EXOC6B: variants seen among roughly 807,000 people sequenced by gnomAD.
The protein encoded by EXOC6B is exocyst complex component 6B.
A neutral mutation model predicts 113.5 loss-of-function variants in EXOC6B; 54 were observed. The observed-to-expected ratio is 0.48, with a 90% CI of 0.38 to 0.60. EXOC6B has a LOEUF of 0.60. Among genes scored for constraint, EXOC6B ranks in the 20% least tolerant of loss-of-function variants. EXOC6B has a pLI of 0.00. For missense variants in EXOC6B, 797 were observed against 977.5 expected (o/e 0.82, Z 2.46); for synonymous variants, 357 against 339.0 (o/e 1.05, Z -0.58).
In EXOC6B at chr2:72,372,889, T is replaced by G. The variant is rs767415487; in HGVS notation, c.2122+6840A>C. Reference sequence around the variant, plus strand: ...GAAAAAGACAGTCTCTTCAATAAATTATGGTGGGAAAACTAGAAATCCATA... The same window carrying G: ...GAAAAAGACAGTCTCTTCAATAAATGATGGTGGGAAAACTAGAAATCCATA... On this transcript the variant is annotated intron_variant, in intron 19 of 21. Coordinates refer to ENST00000272427, the MANE Select transcript of EXOC6B (RefSeq NM_015189.3). Among the ~76,000 whole-genome samples the G allele has an allele frequency of 8.1e-4, 123 of 151,998 alleles. 1 individual carries two copies. In the Middle Eastern group the frequency reaches 0.014, roughly 17 times the overall value.
intron 11 of EXOC6B, among the ~76,000 whole-genome samples, chr2:72,507,901 A>G (rs1349545563): frequency 6.6e-6 from 1 of 151,398 alleles, no homozygotes; most frequent in Non-Finnish European, 1.5e-5. Flanking sequence ...TGCGAGATTT[A>G]GAGATCTGTT....
intron 11 of EXOC6B, among the ~76,000 whole-genome samples, chr2:72,512,503 TCACCAAAAATATATGCCA>T (rs1700990947): frequency 6.6e-6 from 1 of 151,948 alleles, no homozygotes; most frequent in African/African-American, 2.4e-5. Context: ...AAGTGGATTA[TCACCAAAAATATATGCCA>T]CATTAAAATA....
chr2:72,241,810 CAAAT>C (rs1278660368), intron 20 of EXOC6B, among the ~76,000 whole-genome samples: 1 of 152,128 alleles, frequency 6.6e-6, no homozygotes, highest in Non-Finnish European at 1.5e-5. Flanking sequence ...CTCAAACAAA[CAAAT>C]ATTGAGGAAA....
chr2:72,735,545 T>C (rs1397086318), intron 2 of EXOC6B, among the ~76,000 whole-genome samples: 1 of 152,226 alleles, frequency 6.6e-6, no homozygotes, highest in Non-Finnish European at 1.5e-5. Context: ...CTAGGTGCAG[T>C]GGCTCACACC....
At chr2:72,586,857 A>G (rs1705618155) in intron 6 of EXOC6B, among the ~76,000 whole-genome samples, 1 of 152,120 alleles carries the variant, frequency 6.6e-6, no homozygotes, top group South Asian at 2.1e-4. Context: ...CAAAACCACA[A>G]TGAGGTACCA....
At chr2:72,469,378 G>A (rs976859395) in intron 17 of EXOC6B, among the ~76,000 whole-genome samples, 2 of 151,834 alleles carry the variant, frequency 1.3e-5, no homozygotes, top group Non-Finnish European at 2.9e-5. Flanking sequence ...GTTTCCTACG[G>A]TGTAAGTATA....
chr2:72,559,308 T>C (rs1259942204), intron 8 of EXOC6B, 145 bp downstream of exon 8: 7 of 481,314 alleles, frequency 1.5e-5, no homozygotes, highest in Admixed American at 4.2e-5. Context: ...TTCAAAATTG[T>C]TTTTTATAAT....
chr2:72,192,216 T>C (rs1678890455), intron 20 of EXOC6B, among the ~76,000 whole-genome samples: 1 of 152,160 alleles, frequency 6.6e-6, no homozygotes, highest in African/African-American at 2.4e-5. Context: ...ATCAAATGGC[T>C]AGATTCTCAG....
At chr2:72,490,178 T>A (rs953019747) in intron 16 of EXOC6B, among the ~76,000 whole-genome samples, 1 of 152,080 alleles carries the variant, frequency 6.6e-6, no homozygotes, top group Non-Finnish European at 1.5e-5. Flanking sequence ...AATAATTAAA[T>A]CAATATGGAA....
intron 18 of EXOC6B, among the ~76,000 whole-genome samples, chr2:72,446,644 G>GC (rs998315482): frequency 1.2e-4 from 19 of 152,062 alleles, no homozygotes; most frequent in African/African-American, 3.9e-4. Context: ...GGAAGAAGGA[G>GC]CAGAGCAGAA....
At chr2:72,434,779 A>T (rs201171433) in intron 18 of EXOC6B, among the ~76,000 whole-genome samples, 1 of 151,962 alleles carries the variant, frequency 6.6e-6, no homozygotes, top group Non-Finnish European at 1.5e-5. Flanking sequence ...TATTGTGTCT[A>T]TTTGATTCTT....
chr2:72,274,042 G>A (rs1025613368), intron 20 of EXOC6B, among the ~76,000 whole-genome samples: 2 of 152,124 alleles, frequency 1.3e-5, no homozygotes, highest in Non-Finnish European at 2.9e-5. Flanking sequence ...ATGAAATGAT[G>A]AGGGAAGGCT....
At chr2:72,665,295 G>A (rs1675310596) in intron 6 of EXOC6B, among the ~76,000 whole-genome samples, 1 of 152,136 alleles carries the variant, frequency 6.6e-6, no homozygotes, top group Non-Finnish European at 1.5e-5. Flanking sequence ...TATATTCCAT[G>A]AAAAATTCCC....
intron 18 of EXOC6B, among the ~76,000 whole-genome samples, chr2:72,427,530 G>A (rs1173717283): frequency 7.2e-5 from 11 of 152,182 alleles, no homozygotes; most frequent in Non-Finnish European, 8.8e-5. Context: ...GTACATGTTC[G>A]GGAGCAGCAC....
intron 6 of EXOC6B, among the ~76,000 whole-genome samples, chr2:72,624,447 T>C (rs1034880839): frequency 1.3e-5 from 2 of 152,170 alleles, no homozygotes; most frequent in African/African-American, 2.4e-5. Context: ...AAAAATAAGA[T>C]GCTCTGATTT....
intron 8 of EXOC6B, among the ~76,000 whole-genome samples, chr2:72,533,677 A>T (rs2105763943): frequency 6.6e-6 from 1 of 152,326 alleles, no homozygotes; most frequent in East Asian, 1.9e-4. Flanking sequence ...TATAATTTTT[A>T]GTGTAGTTTT....
intron 6 of EXOC6B, among the ~76,000 whole-genome samples, chr2:72,582,150 G>C (rs1004583335): frequency 6.6e-6 from 1 of 152,126 alleles, no homozygotes; most frequent in Non-Finnish European, 1.5e-5. Context: ...TAGGGAAGGT[G>C]AAAGAGAAGG....
intron 6 of EXOC6B, among the ~76,000 whole-genome samples, chr2:72,629,307 A>G (rs942274898): frequency 6.6e-6 from 1 of 152,194 alleles, no homozygotes; most frequent in Non-Finnish European, 1.5e-5. Flanking sequence ...TTTTTGAATA[A>G]CCACATTGCA....
chr2:72,600,732 CAAAAATATAA>C (rs1208417492), intron 6 of EXOC6B, among the ~76,000 whole-genome samples: 1 of 151,942 alleles, frequency 6.6e-6, no homozygotes, highest in Non-Finnish European at 1.5e-5. Flanking sequence ...ATGTAAAACA[CAAAAATATAA>C]AACTTCTGGA....
Sources: gnomAD v4.1 joint callset for allele counts (sites outside exome capture counted in the v4.1 genomes callset) on GRCh38, gnomAD v4.1.1 for gene constraint, MANE v1.5 for transcripts, NCBI Gene and HGNC (gene_info 2026-07-23, HGNC 2026-07-21) for gene names.